Variants in HPSE2 observed in about 807,000 individuals in gnomAD.
HPSE2 encodes the protein heparanase 2 (inactive), also known as inactive heparanase-2.
Under a neutral mutation model 60.5 loss-of-function variants are expected in HPSE2, and 38 were observed. That is an observed-to-expected ratio of 0.63 (90% CI 0.48 to 0.82). The LOEUF (loss-of-function observed/expected upper bound fraction) is 0.82. Ranked by LOEUF, HPSE2 falls within the 40% of genes least tolerant of loss-of-function variation. The pLI, the probability that HPSE2 is intolerant of heterozygous loss-of-function variation, is 0.00. For missense variants in HPSE2, 713 were observed against 740.4 expected, an observed-to-expected ratio of 0.96 and a Z score of 0.43; for synonymous variants, 295 against 293.2, an observed-to-expected ratio of 1.01 and a Z score of -0.06.
chr10:99,073,484 T>G (rs1181985685), intron 3 of HPSE2, among the ~76,000 whole-genome samples: 1 of 149,502 alleles, frequency 6.7e-6, no homozygotes, highest in African/African-American at 2.5e-5. Context: ...GGGGGTGGGG[T>G]GGGGGAAGAA....
At chr10:98,496,815 T>C (rs890658395) in intron 9 of HPSE2, among the ~76,000 whole-genome samples, 10 of 152,230 alleles carry the variant, frequency 6.6e-5, no homozygotes, top group Admixed American at 5.2e-4. Flanking sequence ...AATCCTTTAG[T>C]TGTATACAGT....
rs77450988 is a variant in HPSE2, at chr10:98,607,501, C to T, written c.1320+7403G>A. ...CATTTATAAATACCAAATGAAGGTG[C>T]TGGGGCTAGTATTGCAGCCTGGTTA... On this transcript the variant is annotated intron_variant, in intron 9 of 11. Coordinates refer to ENST00000370552, the MANE Select transcript of HPSE2 (RefSeq NM_021828.5). 2.8e-3 allele frequency among the ~76,000 whole-genome samples: 423 copies of T among 152,260 alleles called. 1 individual carries two copies. Among genetic ancestry groups the T allele is most frequent in the African/African-American group, 9.8e-3 (407 of 41,544 alleles).
chr10:99,067,533 A>G (rs891669043), intron 3 of HPSE2, among the ~76,000 whole-genome samples: 5 of 152,196 alleles, frequency 3.3e-5, no homozygotes, highest in African/African-American at 1.2e-4. Context: ...GCCCAATGTC[A>G]TGTGGAAGCT....
intron 3 of HPSE2, among the ~76,000 whole-genome samples, chr10:99,112,293 A>G (rs953642113): frequency 6.6e-6 from 1 of 152,114 alleles, no homozygotes; most frequent in Non-Finnish European, 1.5e-5. Context: ...AGGCTGGAGT[A>G]CAGTGGCACA....
At chr10:99,208,455 C>T (rs1006212924) in intron 2 of HPSE2, among the ~76,000 whole-genome samples, 1 of 152,032 alleles carries the variant, frequency 6.6e-6, no homozygotes, top group African/African-American at 2.4e-5. Context: ...GAGGCCAAAG[C>T]AGGCATATTT....
intron 2 of HPSE2, among the ~76,000 whole-genome samples, chr10:99,177,714 G>T (rs895920150): frequency 1.8e-4 from 27 of 152,216 alleles, no homozygotes; most frequent in African/African-American, 6.3e-4. Context: ...ACAGATCAAT[G>T]AGACAGAAAA....
At chr10:99,082,264 T>C (rs1843170807) in intron 3 of HPSE2, among the ~76,000 whole-genome samples, 1 of 152,188 alleles carries the variant, frequency 6.6e-6, no homozygotes, top group Non-Finnish European at 1.5e-5. Flanking sequence ...AATACACATA[T>C]ACTAGAAAGT....
At chr10:99,086,543 G>A (rs866976020) in intron 3 of HPSE2, among the ~76,000 whole-genome samples, 20 of 150,888 alleles carry the variant, frequency 1.3e-4, no homozygotes, top group African/African-American at 3.6e-4. Context: ...TAGTAGAGAC[G>A]GGGTTTCACC....
At chr10:98,563,980 A>G (rs1395753788) in intron 9 of HPSE2, among the ~76,000 whole-genome samples, 1 of 152,210 alleles carries the variant, frequency 6.6e-6, no homozygotes, top group Non-Finnish European at 1.5e-5. Flanking sequence ...TAAAATGGAA[A>G]TGATGTCACC....
chr10:99,267,368 A>T, the HPSE2 span, among the ~76,000 whole-genome samples: 3 of 152,092 alleles, frequency 2.0e-5, no homozygotes, highest in Admixed American at 2.0e-4. Flanking sequence ...GAATCAAACA[A>T]GCAGAAGAAA....
At position 98,615,008 on chromosome 10, in the gene HPSE2, T is replaced by C. The variant is rs1216938101; in HGVS notation, c.1216A>G (p.Thr406Ala). The C allele has an allele frequency of 1.2e-6, 2 of 1,612,466 alleles. No individual in the cohort carries two copies. Among genetic ancestry groups the C allele is most frequent in the Admixed American group, 1.7e-5 (1 of 60,008 alleles). ...CCCTGATTGGCCAGCATTCCTAAAGTGTTCAACCATCTAAAAGGCAGAGAA... is the reference window on the plus strand; with the variant it reads ...CCCTGATTGGCCAGCATTCCTAAAGCGTTCAACCATCTAAAAGGCAGAGAA... ...SYAAGFLWLN[T>A]LGMLANQGID... is the part of the protein sequence containing the mutation. Residue 406 changes from threonine to alanine, a missense_variant, in exon 9 of 12, where the codon ACT becomes GCT. By Grantham distance (58) the Thr-to-Ala change is moderately conservative. Transcript: ENST00000370552.
chr10:99,080,049 G>A (rs2135570051), intron 3 of HPSE2, among the ~76,000 whole-genome samples: 1 of 152,228 alleles, frequency 6.6e-6, no homozygotes, highest in South Asian at 2.1e-4. Context: ...TTTTAATGTG[G>A]CTGGTTTCAC....
chr10:98,594,425 T>G (rs564244182), intron 9 of HPSE2, among the ~76,000 whole-genome samples: 4 of 152,314 alleles, frequency 2.6e-5, no homozygotes, highest in African/African-American at 9.6e-5. Context: ...TCTATATATC[T>G]GAATAAATTT....
intron 3 of HPSE2, among the ~76,000 whole-genome samples, chr10:99,059,050 A>G (rs1451341745): frequency 1.3e-5 from 2 of 152,222 alleles, no homozygotes; most frequent in East Asian, 1.9e-4. Flanking sequence ...TTTGGATTTC[A>G]TATACTTTTC....
chr10:99,236,742 G>T (rs1409234569), upstream of HPSE2, among the ~76,000 whole-genome samples: 3 of 152,198 alleles, frequency 2.0e-5, no homozygotes, highest in Non-Finnish European at 2.9e-5. Flanking sequence ...CGCAACCGAG[G>T]AATAAGCGTC....
At chr10:98,974,188 C>T (rs1165255753) in intron 3 of HPSE2, among the ~76,000 whole-genome samples, 2 of 151,968 alleles carry the variant, frequency 1.3e-5, no homozygotes, top group Admixed American at 6.6e-5. Context: ...GCTACTCAGC[C>T]TGAGGCAGGA....
In HPSE2 at chr10:98,959,283, T is replaced by C. The variant is rs191515539; in HGVS notation, c.610+184955A>G. On this transcript the variant is annotated intron_variant, in intron 3 of 11. Transcript: ENST00000370552. ...CTTCTGAGGCAAACAAAATAGATTC[T>C]ATAAACCTAATAATTTCACATTCCC... is the stretch of plus-strand genomic sequence containing the variant. 8.7e-5 allele frequency among the ~76,000 whole-genome samples: 13 copies of C among 150,026 alleles called. No homozygotes were observed. In the East Asian group the frequency reaches 2.6e-3, roughly 30 times the overall value.
chr10:99,012,323 A>G (rs1436048894), intron 3 of HPSE2, among the ~76,000 whole-genome samples: 2 of 152,178 alleles, frequency 1.3e-5, no homozygotes. Context: ...CATTAGTAAT[A>G]CTAAGCCAAG....
rs1949904489 is a variant in HPSE2, at chr10:98,757,466, T to A, written c.611-13410A>T. 2.6e-5 allele frequency among the ~76,000 whole-genome samples: 4 copies of A among 152,124 alleles called. No homozygotes were observed. In the South Asian group the frequency reaches 8.3e-4, roughly 32 times the overall value. ...TCCACCAAAAGGCTCCTGGAATGGA[T>A]AAACAACTTCAGTAAAGTTTCAGGA... On this transcript the variant is annotated intron_variant, in intron 3 of 11. Transcript: ENST00000370552.
Sources: allele counts gnomAD v4.1 joint callset (sites outside exome capture counted in the v4.1 genomes callset), GRCh38; gene constraint gnomAD v4.1.1; transcripts MANE v1.5; gene names NCBI Gene and HGNC (gene_info 2026-07-23, HGNC 2026-07-21).